The following WDFY4 variants were observed in gnomAD, a reference collection of about 807,000 sequenced individuals.
The protein encoded by WDFY4 is WD repeat- and FYVE domain-containing protein 4.
A neutral mutation model predicts 351.9 loss-of-function variants in WDFY4; 169 were observed. The ratio of observed to expected loss-of-function variants is 0.48; its 90% CI spans 0.42 to 0.55. The LOEUF (loss-of-function observed/expected upper bound fraction) is 0.55, where lower values mean the gene tolerates loss of function less well. Ranked by LOEUF, WDFY4 falls within the 20% of genes least tolerant of loss-of-function variation. The pLI is 0.00. For synonymous variants in WDFY4, 1,622 were observed against 1,574.6 expected (o/e 1.03, Z -0.71); for missense variants, 3,803 against 3,935.6 (o/e 0.97, Z 0.90).
chr10:48,692,830 A>G (rs941100385), intron 1 of WDFY4, among the ~76,000 whole-genome samples: 1 of 152,170 alleles, frequency 6.6e-6, no homozygotes, highest in Non-Finnish European at 1.5e-5. Context: ...GTAATTACTG[A>G]GATCGTATCT....
chr10:48,811,917 TC>T (rs1241830423), intron 30 of WDFY4, among the ~76,000 whole-genome samples: 1 of 152,128 alleles, frequency 6.6e-6, no homozygotes, highest in Non-Finnish European at 1.5e-5. Context: ...CGGCCTCTGC[TC>T]CCATCCTTCC....
At chr10:48,950,699 A>G (rs1343184556) in intron 51 of WDFY4, among the ~76,000 whole-genome samples, 1 of 152,224 alleles carries the variant, frequency 6.6e-6, no homozygotes, top group Admixed American at 6.5e-5. Context: ...TGCTCAGAGG[A>G]AAGGGACATG....
rs41283283 is a variant in WDFY4, at chr10:48,890,694, G to T, written c.7283G>T (p.Gly2428Val). The change falls in exon 44 of 62, where the codon GGT (glycine) becomes GTT (valine). Residue 2428 changes from glycine to valine, a missense_variant. Gly to Val is a moderately radical substitution (Grantham distance 109). Transcript: ENST00000325239. ...ICENFTLSPT[G>V]DVYCTRHCLS... ...GAGAACTTCACACTGTCTCCCACGG[G>T]TGATGTCTACTGTACCCGTCACTGC... 1 of 1,551,598 alleles carries T rather than the reference G, an allele frequency of 6.4e-7. No homozygotes were observed. The highest frequency in any genetic ancestry group is 2.4e-5 in the East Asian group (1 of 40,918).
chr10:48,806,213 C>A, intron 27 of WDFY4, 118 bp downstream of exon 27: 1 of 992,368 alleles, frequency 1.0e-6, no homozygotes, highest in Non-Finnish European at 1.5e-6. Context: ...CACAGCCAAG[C>A]CGTGGTTTCC....
Position 48,743,270 on chromosome 10 carries a change from G to A in WDFY4, c.2181G>A (p.Glu727=), listed in dbSNP as rs2064909717. The A allele has an allele frequency of 1.9e-6, 3 of 1,551,716 alleles. No individual in the cohort carries two copies. The highest frequency in any genetic ancestry group is 2.4e-5 in the East Asian group (1 of 40,926). ...GCTGTTTTGGAGCCCTGGAGGAAGA[G>A]GGCAACCTGCTGCGCTCTTGGGTGG... is the stretch of plus-strand genomic sequence containing the variant. ...LLGCFGALEE[E]GNLLRSWVDT... is the part of the protein sequence containing the mutation. Residue 727 remains glutamate, a synonymous_variant, in exon 12 of 62, where the codon GAG becomes GAA. Coordinates refer to ENST00000325239, the MANE Select transcript of WDFY4 (RefSeq NM_001394531.1).
intron 47 of WDFY4, among the ~76,000 whole-genome samples, chr10:48,936,652 A>G (rs1250308223): frequency 1.3e-5 from 2 of 152,046 alleles, no homozygotes; most frequent in East Asian, 3.9e-4. Flanking sequence ...CCCGGCTAAC[A>G]CAGTGAAACC....
At chr10:48,731,907 C>A (rs1439108272) in intron 9 of WDFY4, among the ~76,000 whole-genome samples, 2 of 152,124 alleles carry the variant, frequency 1.3e-5, no homozygotes, top group African/African-American at 2.4e-5. Flanking sequence ...GGTTTGGGGG[C>A]CCTCCTGGGG....
chr10:48,749,852 A>G (rs543390349), intron 12 of WDFY4, among the ~76,000 whole-genome samples: 14 of 152,186 alleles, frequency 9.2e-5, no homozygotes, highest in Non-Finnish European at 1.9e-4. Flanking sequence ...CTTCTGCCTT[A>G]GCATATGCCT....
intron 12 of WDFY4, 66 bp downstream of exon 12, chr10:48,743,614 G>T (rs534130138): frequency 6.8e-7 from 1 of 1,465,486 alleles, no homozygotes; most frequent in African/African-American, 1.4e-5. Context: ...AACGTCTTGC[G>T]CATGTGTACT....
rs1458531959 is a variant in WDFY4, at chr10:48,709,731, G to A, written c.-2G>A. ...CTGAATTCAGATCTGCTTTGCCACG[G>A]CATGGAGGCAGAAGATCTTTCAAAG... is the stretch of plus-strand genomic sequence containing the variant. On this transcript the variant is annotated 5_prime_UTR_variant, in exon 2 of 62. Transcript: ENST00000325239. 2 of 1,551,876 alleles carry A rather than the reference G, an allele frequency of 1.3e-6. No individual in the cohort carries two copies. The highest frequency in any genetic ancestry group is 2.0e-5 in the Admixed American group (1 of 51,016).
intron 2 of WDFY4, among the ~76,000 whole-genome samples, chr10:48,717,599 C>G (rs899982378): frequency 6.6e-6 from 1 of 152,170 alleles, no homozygotes; most frequent in Non-Finnish European, 1.5e-5. Context: ...CTTCTATTAG[C>G]TACATATAAG....
chr10:48,847,658 C>G (rs2068822214), intron 39 of WDFY4, among the ~76,000 whole-genome samples: 1 of 152,172 alleles, frequency 6.6e-6, no homozygotes, highest in Non-Finnish European at 1.5e-5. Flanking sequence ...CTGTCTAAGG[C>G]TCACAGAGGC....
rs571411862 is a variant in WDFY4, at chr10:48,874,773, C to A, written c.6949-316C>A. Among the ~76,000 whole-genome samples, 3 of 152,292 alleles carry A rather than the reference C, an allele frequency of 2.0e-5. No individual in the cohort carries two copies. The South Asian group carries it at 6.2e-4, about 32-fold the overall frequency. Reference sequence around the variant, plus strand: ...GTCCAGCCCTGGAACCTCCCCTGGTCCCCTCTCCAGGGTGTCCTACACAGA... The same window carrying A: ...GTCCAGCCCTGGAACCTCCCCTGGTACCCTCTCCAGGGTGTCCTACACAGA... On this transcript the variant is annotated intron_variant, in intron 41 of 61. Coordinates refer to ENST00000325239, the MANE Select transcript of WDFY4 (RefSeq NM_001394531.1).
intron 45 of WDFY4, 149 bp from the exon 46 acceptor site, chr10:48,900,072 T>A (rs1837278832): frequency 1.6e-6 from 1 of 630,568 alleles, no homozygotes; most frequent in African/African-American, 1.9e-5. Context: ...GTCACCAAGG[T>A]CTTCCTACCA....
At chr10:48,795,641 C>G (rs970826971) in intron 23 of WDFY4, among the ~76,000 whole-genome samples, 1 of 151,448 alleles carries the variant, frequency 6.6e-6, no homozygotes, top group South Asian at 2.1e-4. Context: ...GGAGAAAGGG[C>G]GGGCTGTGTT....
At chr10:48,804,906 G>A in intron 25 of WDFY4, 1 of 464,564 alleles carries the variant, frequency 2.2e-6, no homozygotes, top group Non-Finnish European at 2.8e-6. Context: ...CTGCACTCCT[G>A]GCTGGTGGGA....
intron 13 of WDFY4, among the ~76,000 whole-genome samples, chr10:48,773,581 A>T (rs2065935653): frequency 6.6e-6 from 1 of 152,262 alleles, no homozygotes; most frequent in Non-Finnish European, 1.5e-5. Flanking sequence ...GCTTCAAAGG[A>T]CATAAGCAGA....
At chr10:48,744,446 C>T (rs2132424421) in intron 12 of WDFY4, among the ~76,000 whole-genome samples, 1 of 152,326 alleles carries the variant, frequency 6.6e-6, no homozygotes, top group African/African-American at 2.4e-5. Flanking sequence ...GTTTCCTAAT[C>T]TTGCATTCCT....
chr10:48,786,890 A>G lies in WDFY4; in HGVS notation c.3808+20A>G. 6.5e-7 allele frequency: 1 copy of G among 1,543,030 alleles called. No individual in the cohort carries two copies. Among genetic ancestry groups the G allele is most frequent in the Middle Eastern group, 1.7e-4 (1 of 5,964 alleles). On this transcript the variant is annotated intron_variant, in intron 20 of 61. Coordinates refer to ENST00000325239, the MANE Select transcript of WDFY4 (RefSeq NM_001394531.1). ...TCCAAGGTATGGAGTGTTTTGATTTACAATGTTCTTGCTGATATTAGTTTT... is the reference window on the plus strand; with the variant it reads ...TCCAAGGTATGGAGTGTTTTGATTTGCAATGTTCTTGCTGATATTAGTTTT...
Sources: allele counts gnomAD v4.1 joint callset (sites outside exome capture counted in the v4.1 genomes callset), GRCh38; gene constraint gnomAD v4.1.1; transcripts MANE v1.5; gene names NCBI Gene and HGNC (gene_info 2026-07-23, HGNC 2026-07-21).